The following THADA variants were observed in gnomAD, a reference collection of about 807,000 sequenced individuals.
The protein encoded by THADA is THADA armadillo repeat containing, also known as tRNA (32-2'-O)-methyltransferase regulator THADA.
In THADA, 213 loss-of-function variants were observed where a neutral mutation model predicts 219.8. The ratio of observed to expected loss-of-function variants is 0.97; its 90% CI spans 0.87 to 1.09. The LOEUF is 1.09. THADA is among the 50% of genes least tolerant of loss of function. The pLI, the probability that THADA is intolerant of heterozygous loss-of-function variation, is 0.00. For missense variants in THADA, 2,956 were observed against 2,311.3 expected (o/e 1.28, Z -5.72); for synonymous variants, 1,018 against 828.9 (o/e 1.23, Z -3.92).
intron 15 of THADA, chr2:43,566,107 C>T (rs1410568394): frequency 9.3e-6 from 2 of 215,138 alleles, no homozygotes; most frequent in East Asian, 1.9e-4. Flanking sequence ...AAAAAGGAAT[C>T]ATTTCTTGTC....
intron 22 of THADA, among the ~76,000 whole-genome samples, chr2:43,522,136 A>T (rs903365618): frequency 6.6e-6 from 1 of 152,190 alleles, no homozygotes; most frequent in Non-Finnish European, 1.5e-5. Flanking sequence ...TATTATTTCA[A>T]TGAAACTAAA....
In THADA at chr2:43,586,675, G is replaced by A. The variant is rs749959071; in HGVS notation, c.484+27C>T. 1.9e-6 allele frequency: 3 copies of A among 1,600,474 alleles called. No individual in the cohort carries two copies. In the African/African-American group the frequency reaches 4.0e-5, roughly 22 times the overall value. On this transcript the variant is annotated intron_variant, in intron 6 of 37. Coordinates refer to ENST00000405975, the MANE Select transcript of THADA (RefSeq NM_022065.5). ...TGACTCATACAAGCCATCAACTCAT[G>A]GAACAAAATAAAATAATAGGACTTA... is the stretch of plus-strand genomic sequence containing the variant.
chr2:43,287,143 C>G (rs1216797080), intron 34 of THADA, 82 bp from the exon 35 acceptor site: 2 of 1,350,874 alleles, frequency 1.5e-6, no homozygotes, highest in Admixed American at 2.2e-5. Flanking sequence ...CTACACCAAA[C>G]TGGGCCTGTA....
intron 22 of THADA, among the ~76,000 whole-genome samples, chr2:43,519,592 T>A (rs1250149442): frequency 6.6e-6 from 1 of 152,238 alleles, no homozygotes; most frequent in African/African-American, 2.4e-5. Context: ...CAGTTATATG[T>A]TTCCTATTTA....
chr2:43,533,042 A>T (rs924383042), intron 21 of THADA, among the ~76,000 whole-genome samples: 2 of 152,232 alleles, frequency 1.3e-5, no homozygotes, highest in Non-Finnish European at 2.9e-5. Flanking sequence ...AAAATTTACA[A>T]GAAAAAAACA....
At chr2:43,342,886 C>T (rs572725172) in intron 30 of THADA, 1 of 152,276 alleles carries the variant, frequency 6.6e-6, no homozygotes, top group South Asian at 2.1e-4. Flanking sequence ...CATTACTTGA[C>T]TTGCCACAGA....
intron 36 of THADA, among the ~76,000 whole-genome samples, chr2:43,240,048 GAC>G (rs1247155917): frequency 1.3e-5 from 2 of 152,232 alleles, no homozygotes; most frequent in Non-Finnish European, 2.9e-5. Flanking sequence ...GACGGTGTGT[GAC>G]ACAGACAAAT....
chr2:43,586,219 C>T (rs1322921992), intron 7 of THADA, among the ~76,000 whole-genome samples, 182 bp downstream of exon 7: 1 of 152,056 alleles, frequency 6.6e-6, no homozygotes, highest in African/African-American at 2.4e-5. Context: ...GAGCTATGAT[C>T]ACACCACTGC....
At chr2:43,259,266 C>T (rs1670676252) in intron 36 of THADA, among the ~76,000 whole-genome samples, 1 of 152,172 alleles carries the variant, frequency 6.6e-6, no homozygotes, top group African/African-American at 2.4e-5. Flanking sequence ...TGTCTTGGGG[C>T]TGAAACTCAA....
chr2:43,421,909 T>C (rs1161771544), intron 28 of THADA, among the ~76,000 whole-genome samples: 1 of 152,178 alleles, frequency 6.6e-6, no homozygotes, highest in African/African-American at 2.4e-5. Flanking sequence ...CTTTGAGAGA[T>C]CGAAGGACCC....
Position 43,508,507 on chromosome 2 carries a change from C to T in THADA, c.3507+141G>A, listed in dbSNP as rs1258990344. On this transcript the variant is annotated intron_variant, in intron 23 of 37. Transcript: ENST00000405975. ...GGAACACACCATCCCCACATTAAAA[C>T]AAAGCCACAAATGCTATGGTGCTGA... 7 of 815,884 alleles carry T rather than the reference C, an allele frequency of 8.6e-6. No homozygotes were observed. The East Asian group carries it at 2.0e-4, about 23-fold the overall frequency. The allele number at this position is 815,884 out of a possible 1,614,324, so 50.5% of individuals were successfully genotyped here.
Position 43,406,920 on chromosome 2 carries a change from T to C in THADA, c.4059-8781A>G, listed in dbSNP as rs543029131. ...GCAGAATGAATGAAAGAGTTGCACA[T>C]TCCTCCCAATCGCAAAACCCTTCAC... On this transcript the variant is annotated intron_variant, in intron 28 of 37. Coordinates refer to ENST00000405975, the MANE Select transcript of THADA (RefSeq NM_022065.5). Among the ~76,000 whole-genome samples, 21 of 152,288 alleles carry C rather than the reference T, an allele frequency of 1.4e-4. 1 individual carries two copies. In the East Asian group the frequency reaches 3.9e-3, roughly 28 times the overall value.
chr2:43,247,330 C>T (rs1218071716), intron 36 of THADA, among the ~76,000 whole-genome samples: 4 of 152,086 alleles, frequency 2.6e-5, no homozygotes, highest in Non-Finnish European at 4.4e-5. Flanking sequence ...AAGACAATGA[C>T]TGGGGGAAAT....
intron 30 of THADA, among the ~76,000 whole-genome samples, chr2:43,340,083 G>A (rs973519705): frequency 1.3e-5 from 2 of 152,092 alleles, no homozygotes. Context: ...CTCTCATTTC[G>A]TTTCTGGTCT....
chr2:43,291,477 A>AAAAAAAAAAAAAAAAAAAAAC (rs1674709524), intron 34 of THADA, among the ~76,000 whole-genome samples: 1 of 148,860 alleles, frequency 6.7e-6, no homozygotes, highest in East Asian at 1.9e-4. Context: ...AAAAAAAAAA[A>AAAAAAAAAAAAAAAAAAAAAC]AAAAATCCTA....
chr2:43,421,990 G>A (rs1677776262), intron 28 of THADA, among the ~76,000 whole-genome samples: 1 of 152,172 alleles, frequency 6.6e-6, no homozygotes, highest in South Asian at 2.1e-4. Context: ...TGAACATTCA[G>A]AATCCACAGC....
intron 31 of THADA, among the ~76,000 whole-genome samples, chr2:43,310,915 G>C (rs1573014747): frequency 6.6e-6 from 1 of 152,194 alleles, no homozygotes; most frequent in Non-Finnish European, 1.5e-5. Flanking sequence ...GGTGGCTCAC[G>C]CCTGTAATCC....
At position 43,297,625 on chromosome 2, in the gene THADA, C is replaced by G. The variant is rs569870539; in HGVS notation, c.4439-4412G>C. 2.0e-4 allele frequency among the ~76,000 whole-genome samples: 21 copies of G among 102,640 alleles called. 1 individual carries two copies. The highest frequency in any genetic ancestry group is 3.5e-4 in the Non-Finnish European group (18 of 51,542). 67.3% of individuals were successfully genotyped at this position (102,640 alleles called of 152,430 possible). On this transcript the variant is annotated intron_variant, in intron 31 of 37. Coordinates refer to ENST00000405975, the MANE Select transcript of THADA (RefSeq NM_022065.5). ...GGGGTCAGCCCCCCGCCCGGCCAGC[C>G]CCCCCGTCCGGGAGGTGAGGGGCGC... is the stretch of plus-strand genomic sequence containing the variant.
At chr2:43,336,096 C>CA (rs1324499721) in intron 30 of THADA, among the ~76,000 whole-genome samples, 87 of 134,638 alleles carry the variant, frequency 6.5e-4, no homozygotes, top group African/African-American at 7.1e-4. Context: ...GACTCCATCT[C>CA]AAAAAAAAAA....
Sources: gnomAD v4.1 joint callset for allele counts (sites outside exome capture counted in the v4.1 genomes callset) on GRCh38, gnomAD v4.1.1 for gene constraint, MANE v1.5 for transcripts, NCBI Gene and HGNC (gene_info 2026-07-23, HGNC 2026-07-21) for gene names.